The following RIMS1 variants were observed in gnomAD, a reference collection of about 807,000 sequenced individuals.
RIMS1 encodes regulating synaptic membrane exocytosis protein 1.
A neutral mutation model predicts 214.1 loss-of-function variants in RIMS1; 83 were observed. The observed-to-expected ratio is 0.39, with a 90% CI of 0.32 to 0.47. The LOEUF is 0.47. Ranked by LOEUF, RIMS1 falls within the 20% of genes least tolerant of loss-of-function variation. The pLI is 0.99. For missense variants in RIMS1, 2,050 were observed against 2,161.8 expected (o/e 0.95, Z 1.03); for synonymous variants, 793 against 786.8 (o/e 1.01, Z -0.13).
intron 4 of RIMS1, among the ~76,000 whole-genome samples, chr6:72,129,457 AT>A (rs1290176912): frequency 6.6e-6 from 1 of 152,078 alleles, no homozygotes; most frequent in Non-Finnish European, 1.5e-5. Context: ...GCTTCCCTAG[AT>A]TTTTTTGCTT....
chr6:72,222,638 A>T (rs1474717314), intron 6 of RIMS1, among the ~76,000 whole-genome samples: 1 of 152,082 alleles, frequency 6.6e-6, no homozygotes, highest in Non-Finnish European at 1.5e-5. Context: ...ATATTTGCCA[A>T]CCAGCTTATT....
chr6:72,069,306 A>G lies in RIMS1; in HGVS notation c.246-27643A>G, dbSNP rs150515605. Among the ~76,000 whole-genome samples, 46 of 152,330 alleles carry G rather than the reference A, an allele frequency of 3.0e-4. No individual in the cohort carries two copies. The East Asian group carries it at 7.7e-3, about 26-fold the overall frequency. ...GAATAGCAGCAGCTTCTGTTGTGGC[A>G]GTGCAAAGGCGAAAGGTAGCTGAAG... is the stretch of plus-strand genomic sequence containing the variant. On this transcript the variant is annotated intron_variant, in intron 2 of 33. Coordinates refer to ENST00000521978, the MANE Select transcript of RIMS1 (RefSeq NM_014989.7).
intron 2 of RIMS1, among the ~76,000 whole-genome samples, chr6:71,984,252 T>A (rs1467827248): frequency 6.6e-6 from 1 of 151,774 alleles, no homozygotes; most frequent in East Asian, 1.9e-4. Flanking sequence ...AATTCTTAGA[T>A]GAAATAGAAG....
intron 24 of RIMS1, among the ~76,000 whole-genome samples, chr6:72,286,827 G>A (rs535288744): frequency 2.2e-4 from 33 of 152,276 alleles, no homozygotes; most frequent in African/African-American, 7.9e-4. Flanking sequence ...GGTTTCTGGC[G>A]AAATTTGCTG....
chr6:72,159,031 C>T (rs2044874477), intron 4 of RIMS1, among the ~76,000 whole-genome samples: 2 of 140,682 alleles, frequency 1.4e-5, no homozygotes, highest in Non-Finnish European at 3.2e-5. Flanking sequence ...GTAAGTGTTC[C>T]TATTTCTCCA....
rs931754828 is a variant in RIMS1, at chr6:72,090,781, G to C, written c.246-6168G>C. Among the ~76,000 whole-genome samples, 5 of 152,188 alleles carry C rather than the reference G, an allele frequency of 3.3e-5. 1 individual carries two copies. The highest frequency in any genetic ancestry group is 3.3e-4 in the Admixed American group (5 of 15,286). ...AAGAACTGTGAATTTATGTTCAACA[G>C]TGTAGTGTGATGTCAAAATGTGTAT... On this transcript the variant is annotated intron_variant, in intron 2 of 33. Coordinates refer to ENST00000521978, the MANE Select transcript of RIMS1 (RefSeq NM_014989.7).
At chr6:72,255,414 G>C (rs2075395787) in intron 16 of RIMS1, among the ~76,000 whole-genome samples, 1 of 152,130 alleles carries the variant, frequency 6.6e-6, no homozygotes, top group Non-Finnish European at 1.5e-5. Flanking sequence ...TTCTACTACA[G>C]CCAAAACTTA....
At chr6:71,990,939 TTTAAAACAA>T (rs1374015238) in intron 2 of RIMS1, among the ~76,000 whole-genome samples, 12 of 152,150 alleles carry the variant, frequency 7.9e-5, no homozygotes, top group African/African-American at 2.9e-4. Context: ...TAAAATATAT[TTTAAAACAA>T]TTAAGATAAC....
At chr6:71,900,303 G>T (rs1175719464) in intron 1 of RIMS1, among the ~76,000 whole-genome samples, 1 of 152,088 alleles carries the variant, frequency 6.6e-6, no homozygotes, top group African/African-American at 2.4e-5. Flanking sequence ...AAAGGCAGGA[G>T]TGTGGTTTGA....
chr6:71,932,492 G>A (rs896790228), intron 1 of RIMS1, among the ~76,000 whole-genome samples: 7 of 152,064 alleles, frequency 4.6e-5, no homozygotes, highest in African/African-American at 1.7e-4. Context: ...AGGGTGGGAG[G>A]AGGGAGAAGA....
At chr6:72,261,641 A>G in intron 19 of RIMS1, 3 of 985,306 alleles carry the variant, frequency 3.0e-6, no homozygotes, top group Non-Finnish European at 3.6e-6. Context: ...ATAAAAAGCA[A>G]GAGGAAAGAG....
chr6:72,247,175 G>A (rs1223236238), intron 11 of RIMS1, among the ~76,000 whole-genome samples: 2 of 152,138 alleles, frequency 1.3e-5, no homozygotes. Flanking sequence ...CCACCAAGTG[G>A]CTGAGAGGAG....
At chr6:72,208,903 T>C (rs914145444) in intron 6 of RIMS1, among the ~76,000 whole-genome samples, 4 of 152,288 alleles carry the variant, frequency 2.6e-5, no homozygotes, top group Middle Eastern at 3.4e-3. Context: ...ATCCCCTTTA[T>C]TCCATATCCA....
At chr6:72,058,591 C>T (rs1826998979) in intron 2 of RIMS1, among the ~76,000 whole-genome samples, 1 of 152,126 alleles carries the variant, frequency 6.6e-6, no homozygotes, top group Admixed American at 6.5e-5. Flanking sequence ...GAGAGGGTAG[C>T]CCAGAAATTG....
chr6:72,217,534 C>T (rs2056706446), intron 6 of RIMS1, among the ~76,000 whole-genome samples: 1 of 152,098 alleles, frequency 6.6e-6, no homozygotes, highest in African/African-American at 2.4e-5. Context: ...ACAATTAATT[C>T]AGAAAGATAC....
At chr6:72,129,373 A>T (rs866316308) in intron 4 of RIMS1, among the ~76,000 whole-genome samples, 7 of 152,266 alleles carry the variant, frequency 4.6e-5, no homozygotes, top group Middle Eastern at 3.4e-3. Flanking sequence ...GGATGATGAG[A>T]TTAGTGACAC....
At chr6:72,284,962 G>A (rs572703523) in intron 24 of RIMS1, among the ~76,000 whole-genome samples, 1 of 152,184 alleles carries the variant, frequency 6.6e-6, no homozygotes, top group African/African-American at 2.4e-5. Context: ...GTGAAGAGTG[G>A]AGTATTCTGA....
chr6:72,391,767 T>C (rs775006642), intron 30 of RIMS1, among the ~76,000 whole-genome samples: 2 of 152,118 alleles, frequency 1.3e-5, no homozygotes, highest in African/African-American at 2.4e-5. Context: ...GGTATGAAAG[T>C]TACAGAGATA....
At chr6:72,202,001 G>A (rs1014461689) in intron 6 of RIMS1, among the ~76,000 whole-genome samples, 1 of 152,114 alleles carries the variant, frequency 6.6e-6, no homozygotes, top group Non-Finnish European at 1.5e-5. Context: ...TACCTCGTGG[G>A]GCATTTCTGA....
Sources: allele counts gnomAD v4.1 joint callset (sites outside exome capture counted in the v4.1 genomes callset), GRCh38; gene constraint gnomAD v4.1.1; transcripts MANE v1.5; gene names NCBI Gene and HGNC (gene_info 2026-07-23, HGNC 2026-07-21).